Variants in TFDP2 observed in about 807,000 individuals in gnomAD.
TFDP2 encodes transcription factor Dp-2 (E2F dimerization partner 2).
In TFDP2, 17 loss-of-function variants were observed where a neutral mutation model predicts 59.3. The observed-to-expected ratio is 0.29, with a 90% CI of 0.20 to 0.43. The LOEUF is 0.43. TFDP2 is among the 20% of genes least tolerant of loss of function. The pLI is 1.00. For synonymous variants in TFDP2, 180 were observed against 194.7 expected, an observed-to-expected ratio of 0.92 and a Z score of 0.63; for missense variants, 391 against 528.8, an observed-to-expected ratio of 0.74 and a Z score of 2.56.
chr3:142,132,388 G>A (rs56414145), intron 1 of TFDP2, among the ~76,000 whole-genome samples: 12,750 of 149,896 alleles, frequency 0.085, 797 homozygotes, highest in Middle Eastern at 0.14. Flanking sequence ...AGTGATGATG[G>A]CTGCACATAT....
chr3:141,955,268 C>T (rs149650036), intron 11 of TFDP2, among the ~76,000 whole-genome samples: 62 of 152,286 alleles, frequency 4.1e-4, no homozygotes, highest in East Asian at 7.7e-4. Context: ...CCTTTACACA[C>T]GAGAGGCACA....
intron 8 of TFDP2, among the ~76,000 whole-genome samples, chr3:141,973,243 C>A (rs1190652783): frequency 6.6e-6 from 1 of 151,596 alleles, no homozygotes; most frequent in South Asian, 2.1e-4. Context: ...CCTCAGCTTT[C>A]CAAGTAGCTG....
At chr3:142,101,982 A>G (rs2061330049) in intron 1 of TFDP2, 141 bp from the exon 2 acceptor site, 4 of 384,126 alleles carry the variant, frequency 1.0e-5, no homozygotes, top group Non-Finnish European at 1.9e-5. Context: ...GGTTTGTACC[A>G]TCTTAATCCC....
intron 3 of TFDP2, among the ~76,000 whole-genome samples, chr3:142,009,732 G>T (rs1396012237): frequency 6.8e-6 from 1 of 147,968 alleles, no homozygotes; most frequent in African/African-American, 2.5e-5. Context: ...AAAAAAGAAA[G>T]AAAAAGAAAA....
At chr3:142,014,096 A>G (rs544888469) in intron 3 of TFDP2, among the ~76,000 whole-genome samples, 10 of 152,316 alleles carry the variant, frequency 6.6e-5, no homozygotes, top group African/African-American at 2.4e-4. Flanking sequence ...CCATATATAC[A>G]GGGTCCAACT....
intron 3 of TFDP2, among the ~76,000 whole-genome samples, chr3:142,025,833 G>A (rs961756275): frequency 2.3e-4 from 35 of 152,072 alleles, no homozygotes; most frequent in Non-Finnish European, 4.4e-4. Context: ...GCGTGTGGGC[G>A]CATGCCTGTA....
chr3:141,997,471 A>C (rs1943369971), intron 4 of TFDP2, among the ~76,000 whole-genome samples: 2 of 152,114 alleles, frequency 1.3e-5, no homozygotes, highest in Non-Finnish European at 2.9e-5. Flanking sequence ...TTTACCCTTG[A>C]AACAGATTGT....
At chr3:142,102,402 C>A (rs1257733899) in intron 1 of TFDP2, among the ~76,000 whole-genome samples, 1 of 151,820 alleles carries the variant, frequency 6.6e-6, no homozygotes, top group Non-Finnish European at 1.5e-5. Context: ...AGATTATAAA[C>A]CCATTGAATA....
chr3:141,945,001 ATG>A lies in TFDP2; in HGVS notation c.*7510_*7511del, dbSNP rs1935087736. On this transcript the variant is annotated 3_prime_UTR_variant, in exon 13 of 13. Coordinates refer to ENST00000489671, the MANE Select transcript of TFDP2 (RefSeq NM_001178139.2). Reference sequence around the variant, plus strand: ...ATTGCTTAAAGCATGTGGCACCACGATGTATCCTTCATGCAGAAAAAAGGAGA... The same window carrying A: ...ATTGCTTAAAGCATGTGGCACCACGATATCCTTCATGCAGAAAAAAGGAGA... 1 of 152,234 alleles carries A rather than the reference ATG, an allele frequency of 6.6e-6. No homozygotes were observed. Among genetic ancestry groups the A allele is most frequent in the African/African-American group, 2.4e-5 (1 of 41,454 alleles). 9.4% of individuals were successfully genotyped at this position (152,234 alleles called of 1,614,324 possible).
intron 1 of TFDP2, among the ~76,000 whole-genome samples, chr3:142,128,469 A>AAAT (rs2062358925): frequency 6.6e-6 from 1 of 152,080 alleles, no homozygotes; most frequent in Non-Finnish European, 1.5e-5. Context: ...GCACTCAATC[A>AAAT]CCCTGTGTAA....
intron 6 of TFDP2, among the ~76,000 whole-genome samples, chr3:141,987,818 A>T (rs1305915549): frequency 6.6e-6 from 1 of 151,354 alleles, no homozygotes; most frequent in East Asian, 2.0e-4. Flanking sequence ...AGGTGCCTGT[A>T]ATCCCAGCTA....
intron 3 of TFDP2, among the ~76,000 whole-genome samples, chr3:142,089,201 T>C (rs1560131723): frequency 6.6e-6 from 1 of 151,702 alleles, no homozygotes; most frequent in African/African-American, 2.4e-5. Flanking sequence ...TCAATGCTCT[T>C]GCATTTGTGC....
chr3:142,082,599 G>A (rs1174611047), intron 3 of TFDP2, among the ~76,000 whole-genome samples: 2 of 152,116 alleles, frequency 1.3e-5, no homozygotes, highest in East Asian at 1.9e-4. Context: ...TATCCCTGAT[G>A]TACACTGATG....
At chr3:141,978,014 AT>A (rs1940961720) in intron 7 of TFDP2, among the ~76,000 whole-genome samples, 1 of 150,798 alleles carries the variant, frequency 6.6e-6, no homozygotes, top group East Asian at 2.0e-4. Flanking sequence ...CTGGCCAAAT[AT>A]TTTTTAAATG....
rs1935349097 is a variant in TFDP2 at position 141,947,240 on chromosome 3, G to A, written c.*5273C>T. 6.6e-6 allele frequency: 1 copy of A among 152,130 alleles called. No homozygotes were observed. 9.4% of individuals were successfully genotyped at this position (152,130 alleles called of 1,614,324 possible). A position where few individuals can be genotyped will look rare whatever the true frequency, so the allele number is the denominator to read the frequency against. ...ATATTAGTTTTCATCAGTGCTTGGG[G>A]ACCATTGCTTTGGGTGCATGAATAT... On this transcript the variant is annotated 3_prime_UTR_variant, in exon 13 of 13. Transcript: ENST00000489671.
At chr3:141,962,106 G>A (rs1301602154) in intron 10 of TFDP2, among the ~76,000 whole-genome samples, 3 of 151,884 alleles carry the variant, frequency 2.0e-5, no homozygotes, top group African/African-American at 4.8e-5. Context: ...GCATCATCAC[G>A]CTAATTTTTG....
At chr3:142,070,410 TG>T (rs34717468) in intron 3 of TFDP2, among the ~76,000 whole-genome samples, 1 of 152,172 alleles carries the variant, frequency 6.6e-6, no homozygotes, top group Non-Finnish European at 1.5e-5. Context: ...CCCAAACAGC[TG>T]GGACTACAGA....
intron 3 of TFDP2, among the ~76,000 whole-genome samples, chr3:142,069,897 C>A (rs975031808): frequency 6.6e-6 from 1 of 151,918 alleles, no homozygotes; most frequent in African/African-American, 2.4e-5. Flanking sequence ...GCTTGAGCCA[C>A]CACGCCTGGC....
rs1051485790 is a variant in TFDP2, at chr3:141,945,270, C to G, written c.*7243G>C. The G allele has an allele frequency of 6.6e-6, 1 of 152,340 alleles. No homozygotes were observed. The highest frequency in any genetic ancestry group is 2.4e-5 in the African/African-American group (1 of 41,426). 9.4% of individuals were successfully genotyped at this position (152,340 alleles called of 1,614,324 possible). A position where few individuals can be genotyped will look rare whatever the true frequency, so the allele number is the denominator to read the frequency against. Reference sequence around the variant, plus strand: ...TCAGCCTCCCGAGTAGCTGGGATTACAGGCATGCGCCACCACACCCGGCTA... The same window carrying G: ...TCAGCCTCCCGAGTAGCTGGGATTAGAGGCATGCGCCACCACACCCGGCTA... On this transcript the variant is annotated 3_prime_UTR_variant, in exon 13 of 13. Coordinates refer to ENST00000489671, the MANE Select transcript of TFDP2 (RefSeq NM_001178139.2).
Sources: gnomAD v4.1 joint callset for allele counts (sites outside exome capture counted in the v4.1 genomes callset) on GRCh38, gnomAD v4.1.1 for gene constraint, MANE v1.5 for transcripts, NCBI Gene and HGNC (gene_info 2026-07-23, HGNC 2026-07-21) for gene names.